PELI2: variants seen among roughly 807,000 people sequenced by gnomAD.
The protein encoded by PELI2 is pellino E3 ubiquitin protein ligase family member 2.
Under a neutral mutation model 42.3 loss-of-function variants are expected in PELI2, and 23 were observed. The ratio of observed to expected loss-of-function variants is 0.54; its 90% CI spans 0.39 to 0.77. The LOEUF is 0.77. Ranked by LOEUF, PELI2 falls within the 30% of genes least tolerant of loss-of-function variation. The probability of loss-of-function intolerance (pLI) is 0.00; values close to 1 mark genes in which losing one functional copy is unlikely to be tolerated. For missense variants in PELI2, 463 were observed against 553.2 expected, an observed-to-expected ratio of 0.84 and a Z score of 1.64; for synonymous variants, 245 against 212.2, an observed-to-expected ratio of 1.15 and a Z score of -1.34.
chr14:56,230,111 A>C (rs1476962492), intron 2 of PELI2, among the ~76,000 whole-genome samples: 3 of 152,316 alleles, frequency 2.0e-5, no homozygotes, highest in East Asian at 1.9e-4. Context: ...GAAAAGACCA[A>C]ATCCATTTCT....
In PELI2 at chr14:56,286,925, C is replaced by G. The variant is rs181692139; in HGVS notation, c.310-1512C>G. ...AAATCATTGATCCTAGCAGGCTGTT[C>G]CAGTTAGAATAAAATTTCCTCTTTT... On this transcript the variant is annotated intron_variant, in intron 3 of 5. Coordinates refer to ENST00000267460, the MANE Select transcript of PELI2 (RefSeq NM_021255.3). Among the ~76,000 whole-genome samples the G allele has an allele frequency of 7.9e-5, 12 of 152,206 alleles. 1 individual carries two copies. Among genetic ancestry groups the G allele is most frequent in the African/African-American group, 2.9e-4 (12 of 41,516 alleles).
At chr14:56,137,652 A>G (rs913739099) in intron 1 of PELI2, among the ~76,000 whole-genome samples, 4 of 152,200 alleles carry the variant, frequency 2.6e-5, no homozygotes, top group African/African-American at 7.2e-5. Context: ...AAACACTCAC[A>G]TTCGTGTGTG....
Position 56,121,987 on chromosome 14 carries a change from G to A in PELI2, c.77+3250G>A, listed in dbSNP as rs72622481. On this transcript the variant is annotated intron_variant, in intron 1 of 5. Coordinates refer to ENST00000267460, the MANE Select transcript of PELI2 (RefSeq NM_021255.3). ...TGATATACATCTGTTTGACTCATTG[G>A]TGTTAGGTTACCCATGGGAGCATTT... Among the ~76,000 whole-genome samples the A allele has an allele frequency of 2.5e-3, 381 of 152,314 alleles. 9 individuals are homozygous for A. In the East Asian group the frequency reaches 0.07, roughly 28 times the overall value.
intron 2 of PELI2, among the ~76,000 whole-genome samples, chr14:56,215,100 C>A (rs2139736512): frequency 6.6e-6 from 1 of 152,354 alleles, no homozygotes; most frequent in African/African-American, 2.4e-5. Context: ...ATGAATCACA[C>A]AATTGAGCTT....
At chr14:56,258,730 G>A (rs1291033086) in intron 2 of PELI2, among the ~76,000 whole-genome samples, 5 of 152,110 alleles carry the variant, frequency 3.3e-5, no homozygotes, top group Non-Finnish European at 7.4e-5. Context: ...TAAATTGTGG[G>A]TATATATCAG....
At chr14:56,145,071 T>C (rs1172740006) in intron 1 of PELI2, 2 of 494,226 alleles carry the variant, frequency 4.0e-6, no homozygotes, top group Non-Finnish European at 5.2e-6. Context: ...AGGTTCTTTA[T>C]AAAGAAAAGA....
chr14:56,140,627 A>T (rs1388086464), intron 1 of PELI2, among the ~76,000 whole-genome samples: 1 of 152,238 alleles, frequency 6.6e-6, no homozygotes, highest in African/African-American at 2.4e-5. Flanking sequence ...CTTTAAGAGG[A>T]TGTTTGTCAA....
In PELI2 at chr14:56,198,008, A is replaced by ACC. The variant is rs1391900396; in HGVS notation, c.207+19545_207+19546insCC. Among the ~76,000 whole-genome samples, 428 of 110,388 alleles carry ACC rather than the reference A, an allele frequency of 3.9e-3. 2 individuals carry two copies. The highest frequency in any genetic ancestry group is 0.027 in the South Asian group (83 of 3,062). 72.4% of individuals were successfully genotyped at this position (110,388 alleles called of 152,430 possible). A position where few individuals can be genotyped will look rare whatever the true frequency, so the allele number is the denominator to read the frequency against. On this transcript the variant is annotated intron_variant, in intron 2 of 5. Transcript: ENST00000267460. ...CACACACACACACACACACACACACACACACCCACCTCTTTGGTCCACTTC... is the reference window on the plus strand; with the variant it reads ...CACACACACACACACACACACACACACCCACACCCACCTCTTTGGTCCACTTC...
chr14:56,123,237 C>G (rs1883130118), intron 1 of PELI2, among the ~76,000 whole-genome samples: 1 of 151,242 alleles, frequency 6.6e-6, no homozygotes, highest in Admixed American at 6.6e-5. Context: ...TTGCTGTAAC[C>G]TCAGCACTTT....
In PELI2 at chr14:56,301,310, G is replaced by A. The variant is rs1890163340; in HGVS notation, c.*4144G>A. The A allele has an allele frequency of 6.6e-6, 1 of 152,618 alleles. No homozygotes were observed. The highest frequency in any genetic ancestry group is 2.4e-5 in the African/African-American group (1 of 41,448). 9.5% of individuals were successfully genotyped at this position (152,618 alleles called of 1,614,324 possible). On this transcript the variant is annotated 3_prime_UTR_variant, in exon 6 of 6. Transcript: ENST00000267460. ...TAAATGGATATCAGCCTGTTTGTGA[G>A]CCATTGTCTTCAGATTCTGTGGTTG...
At position 56,297,944 on chromosome 14, in the gene PELI2, A is replaced by G. The variant is rs538256657; in HGVS notation, c.*778A>G. ...AGAACTGTTTGGTTGATTAAAATAC[A>G]TCAGCTCTTAAAAACTCATTAACTG... is the stretch of plus-strand genomic sequence containing the variant. On this transcript the variant is annotated 3_prime_UTR_variant, in exon 6 of 6. Coordinates refer to ENST00000267460, the MANE Select transcript of PELI2 (RefSeq NM_021255.3). 9 of 152,306 alleles carry G rather than the reference A, an allele frequency of 5.9e-5. No individual in the cohort carries two copies. In the East Asian group the frequency reaches 1.7e-3, roughly 29 times the overall value. The allele number at this position is 152,306 out of a possible 1,614,324, so 9.4% of individuals were successfully genotyped here. A position where few individuals can be genotyped will look rare whatever the true frequency, so the allele number is the denominator to read the frequency against.
chr14:56,209,649 T>C (rs1430856473), intron 2 of PELI2, among the ~76,000 whole-genome samples: 1 of 152,190 alleles, frequency 6.6e-6, no homozygotes, highest in South Asian at 2.1e-4. Context: ...CCCACAGATA[T>C]ATGAACAAAA....
intron 1 of PELI2, among the ~76,000 whole-genome samples, chr14:56,129,261 T>C (rs1277904516): frequency 5.9e-5 from 9 of 152,206 alleles, no homozygotes; most frequent in Non-Finnish European, 1.3e-4. Context: ...ATAGGCTTGT[T>C]TTCCCTTTTG....
chr14:56,229,558 C>G (rs1309835384), intron 2 of PELI2, among the ~76,000 whole-genome samples: 1 of 152,224 alleles, frequency 6.6e-6, no homozygotes, highest in Non-Finnish European at 1.5e-5. Flanking sequence ...AAGTAACAAA[C>G]AGAAAGGACA....
At chr14:56,125,424 G>C (rs570478809) in intron 1 of PELI2, among the ~76,000 whole-genome samples, 36 of 150,072 alleles carry the variant, frequency 2.4e-4, no homozygotes, top group Middle Eastern at 3.4e-3. Context: ...GCAGGGGGGG[G>C]GTGAATTGGC....
At chr14:56,278,317 GATAT>G (rs1487582491) in intron 2 of PELI2, among the ~76,000 whole-genome samples, 2 of 152,130 alleles carry the variant, frequency 1.3e-5, no homozygotes, top group African/African-American at 4.8e-5. Context: ...ATGATGATTT[GATAT>G]ATATACACAT....
rs1323048476 is a variant in PELI2 at position 56,196,706 on chromosome 14, T to G, written c.207+18242T>G. On this transcript the variant is annotated intron_variant, in intron 2 of 5. Coordinates refer to ENST00000267460, the MANE Select transcript of PELI2 (RefSeq NM_021255.3). Reference sequence around the variant, plus strand: ...CTTAATTTTTGCCGATATGGTGTGTTAAGATTAGAATCTGTTAATTTCCTG... The same window carrying G: ...CTTAATTTTTGCCGATATGGTGTGTGAAGATTAGAATCTGTTAATTTCCTG... Among the ~76,000 whole-genome samples, 4 of 152,256 alleles carry G rather than the reference T, an allele frequency of 2.6e-5. No individual in the cohort carries two copies. In the South Asian group the frequency reaches 6.2e-4, roughly 24 times the overall value.
rs192756209 is a variant in PELI2, at chr14:56,182,965, G to C, written c.207+4501G>C. ...CGTTCATGATGGAGCTGGGGCCTCG[G>C]TGCTTCGGGAGAGTCATCACCTTAT... On this transcript the variant is annotated intron_variant, in intron 2 of 5. Coordinates refer to ENST00000267460, the MANE Select transcript of PELI2 (RefSeq NM_021255.3). Among the ~76,000 whole-genome samples the C allele has an allele frequency of 2.6e-5, 4 of 152,190 alleles. No individual in the cohort carries two copies. The East Asian group carries it at 7.7e-4, about 29-fold the overall frequency.
rs1890088122 is a variant in PELI2 at position 56,298,693 on chromosome 14, T to C, written c.*1527T>C. 6.5e-6 allele frequency: 1 copy of C among 152,696 alleles called. No individual in the cohort carries two copies. The highest frequency in any genetic ancestry group is 2.4e-5 in the African/African-American group (1 of 41,470). The allele number at this position is 152,696 out of a possible 1,614,324, so 9.5% of individuals were successfully genotyped here. A position where few individuals can be genotyped will look rare whatever the true frequency, so the allele number is the denominator to read the frequency against. On this transcript the variant is annotated 3_prime_UTR_variant, in exon 6 of 6. Transcript: ENST00000267460. ...TTTCAGTCGTTCTAACCTATTTGAA[T>C]ACGCTTTTCCTTAAAGTGATACGAT... is the stretch of plus-strand genomic sequence containing the variant.
Sources: allele counts gnomAD v4.1 joint callset (sites outside exome capture counted in the v4.1 genomes callset), GRCh38; gene constraint gnomAD v4.1.1; transcripts MANE v1.5; gene names NCBI Gene and HGNC (gene_info 2026-07-23, HGNC 2026-07-21).